RNF212B: variants seen among roughly 807,000 people sequenced by gnomAD.
RNF212B encodes the protein E3 ubiquitin-protein ligase RNF212B.
Under a neutral mutation model 55.5 loss-of-function variants are expected in RNF212B, and 52 were observed. The observed-to-expected ratio is 0.94, with a 90% CI of 0.75 to 1.18. The LOEUF (loss-of-function observed/expected upper bound fraction) is 1.18. Among genes scored for constraint, RNF212B ranks in the 50% most tolerant of loss-of-function variants. The pLI is 0.00. For synonymous variants in RNF212B, 99 were observed against 121.4 expected (o/e 0.82, Z 1.21); for missense variants, 289 against 350.4 (o/e 0.82, Z 1.40).
chr14:23,203,713 T>C (rs1161599073), intron 2 of RNF212B, among the ~76,000 whole-genome samples: 1 of 151,648 alleles, frequency 6.6e-6, no homozygotes, highest in Non-Finnish European at 1.5e-5. Flanking sequence ...CCTGACCTCA[T>C]GTGATCCACC....
At chr14:23,247,140 C>CAAA (rs36074283) in intron 4 of RNF212B, among the ~76,000 whole-genome samples, 1 of 139,568 alleles carries the variant, frequency 7.2e-6, no homozygotes, top group African/African-American at 2.7e-5. Flanking sequence ...AACTCCATCT[C>CAAA]AAAAAAAAAA....
At chr14:23,188,280 A>C (rs751968496) in intron 1 of RNF212B, 2 of 152,186 alleles carry the variant, frequency 1.3e-5, no homozygotes, top group Non-Finnish European at 2.9e-5. Flanking sequence ...AAAGAAATAA[A>C]GAGGCACTGC....
At chr14:23,221,794 T>C (rs1231726113) in intron 2 of RNF212B, among the ~76,000 whole-genome samples, 1 of 152,210 alleles carries the variant, frequency 6.6e-6, no homozygotes, top group African/African-American at 2.4e-5. Flanking sequence ...GCATCTTCTC[T>C]GACCACAGTG....
intron 2 of RNF212B, among the ~76,000 whole-genome samples, chr14:23,210,926 G>C (rs1461887840): frequency 1.3e-5 from 2 of 151,772 alleles, no homozygotes; most frequent in Non-Finnish European, 2.9e-5. Context: ...TTTACAAAAA[G>C]ATAATGAATA....
chr14:23,263,860 A>G lies in RNF212B; in HGVS notation c.525-314A>G, dbSNP rs937525357. ...CCCAGCACTTTGGGAGGCTGAGGCG[A>G]GTGGATCATTTGAGGTCAGGAGTTC... On this transcript the variant is annotated intron_variant, in intron 9 of 14. Transcript: ENST00000430154. Among the ~76,000 whole-genome samples, 6 of 152,008 alleles carry G rather than the reference A, an allele frequency of 3.9e-5. No homozygotes were observed. The South Asian group carries it at 8.3e-4, about 21-fold the overall frequency.
chr14:23,218,871 A>G (rs925498908), intron 2 of RNF212B, among the ~76,000 whole-genome samples: 8 of 152,118 alleles, frequency 5.3e-5, no homozygotes, highest in African/African-American at 1.9e-4. Context: ...ATTTAACCCA[A>G]AGAAGAGTAC....
intron 2 of RNF212B, among the ~76,000 whole-genome samples, chr14:23,214,774 G>A (rs1880908452): frequency 1.3e-5 from 2 of 151,192 alleles, no homozygotes; most frequent in Admixed American, 6.6e-5. Flanking sequence ...CAGAAAAAGA[G>A]GAGAAAAAGA....
rs183820973 is a variant in RNF212B at position 23,222,533 on chromosome 14, C to A, written c.-1-17812C>A. Among the ~76,000 whole-genome samples the A allele has an allele frequency of 3.2e-4, 48 of 152,306 alleles. 1 individual carries two copies. In the East Asian group the frequency reaches 8.7e-3, roughly 28 times the overall value. ...AGAAAAGCCTGAGACCCAATGGCTT[C>A]ATTGCTGAATTCTACCAAACATTTA... On this transcript the variant is annotated intron_variant, in intron 2 of 15. Transcript: ENST00000399910.
At chr14:23,216,705 C>T (rs1316946924) in intron 2 of RNF212B, among the ~76,000 whole-genome samples, 1 of 151,686 alleles carries the variant, frequency 6.6e-6, no homozygotes, top group South Asian at 2.1e-4. Flanking sequence ...CATGGTGAAA[C>T]CCCATCTCTA....
intron 2 of RNF212B, among the ~76,000 whole-genome samples, chr14:23,227,127 G>A (rs773434855): frequency 7.2e-5 from 11 of 151,964 alleles, no homozygotes; most frequent in Non-Finnish European, 1.3e-4. Flanking sequence ...AGAAGTTATC[G>A]TTGGGGAAAT....
chr14:23,218,491 A>G (rs1566404990), intron 2 of RNF212B, among the ~76,000 whole-genome samples: 2 of 151,858 alleles, frequency 1.3e-5, no homozygotes, highest in Non-Finnish European at 2.9e-5. Context: ...AAGACAAGCT[A>G]TTTGAAAATA....
chr14:23,260,568 T>C (rs1885219885), intron 6 of RNF212B, 91 bp from the exon 7 acceptor site: 2 of 1,217,860 alleles, frequency 1.6e-6, no homozygotes, highest in Non-Finnish European at 2.4e-6. Flanking sequence ...TAAGGGGCAC[T>C]GAGCTTAGTT....
intron 11 of RNF212B, 147 bp downstream of exon 11, chr14:23,264,818 GTTTTT>G (rs35272583): frequency 3.7e-5 from 10 of 269,772 alleles, no homozygotes; most frequent in Middle Eastern, 1.1e-3. Context: ...ATATTACAAG[GTTTTT>G]TTTTTTTTTT....
At chr14:23,186,594 C>T (rs1032277380) in intron 1 of RNF212B, among the ~76,000 whole-genome samples, 5 of 152,204 alleles carry the variant, frequency 3.3e-5, no homozygotes, top group East Asian at 1.9e-4. Context: ...GTGATCCACC[C>T]GCCTCGGCCT....
intron 2 of RNF212B, among the ~76,000 whole-genome samples, chr14:23,218,751 AAG>A (rs1400181616): frequency 3.3e-5 from 5 of 152,228 alleles, no homozygotes; most frequent in Non-Finnish European, 7.3e-5. Flanking sequence ...GAGGTAGAGA[AAG>A]AGAGCTAGGG....
At chr14:23,255,600 C>T (rs1028341953) in intron 4 of RNF212B, among the ~76,000 whole-genome samples, 1 of 152,090 alleles carries the variant, frequency 6.6e-6, no homozygotes, top group South Asian at 2.1e-4. Context: ...AATAATCACA[C>T]CTTTAAGAAA....
chr14:23,217,745 A>G (rs1159615609), intron 2 of RNF212B, among the ~76,000 whole-genome samples: 1 of 152,102 alleles, frequency 6.6e-6, no homozygotes, highest in African/African-American at 2.4e-5. Context: ...TTGAATACCT[A>G]GAAAGCCTTC....
intron 2 of RNF212B, among the ~76,000 whole-genome samples, chr14:23,223,871 G>T (rs948323831): frequency 2.6e-5 from 4 of 152,072 alleles, no homozygotes; most frequent in Non-Finnish European, 5.9e-5. Flanking sequence ...TATTAGAATT[G>T]ATTTTTAAAA....
chr14:23,196,624 T>G lies in RNF212B; in HGVS notation c.-2+3223T>G, dbSNP rs141450610. The stretch of plus-strand genomic sequence containing the variant: ...CCAGCTAATTTTTAAAATATTTTTA[T>G]AGAGATGGGGTCTTGCTATGTTGCC... On this transcript the variant is annotated intron_variant, in intron 2 of 15. Transcript: ENST00000399910. Among the ~76,000 whole-genome samples the G allele has an allele frequency of 4.9e-3, 752 of 152,212 alleles. 7 individuals carry two copies. The highest frequency in any genetic ancestry group is 0.017 in the African/African-American group (689 of 41,548).
Sources: allele counts gnomAD v4.1 joint callset (sites outside exome capture counted in the v4.1 genomes callset), GRCh38; gene constraint gnomAD v4.1.1; transcripts MANE v1.5; gene names NCBI Gene and HGNC (gene_info 2026-07-23, HGNC 2026-07-21).